Variants in TAFA2 observed in about 807,000 individuals in gnomAD.
TAFA2 encodes the protein TAFA chemokine like family member 2, also known as chemokine-like protein TAFA-2.
Under a neutral mutation model 18.8 loss-of-function variants are expected in TAFA2, and 7 were observed. The observed-to-expected ratio is 0.37, with a 90% CI of 0.21 to 0.70. TAFA2 has a LOEUF of 0.70. TAFA2 is among the 30% of genes least tolerant of loss of function. The pLI, the probability that TAFA2 is intolerant of heterozygous loss-of-function variation, is 0.53. For missense variants in TAFA2, 122 were observed against 158.1 expected (o/e 0.77, Z 1.23); for synonymous variants, 60 against 54.2 (o/e 1.11, Z -0.47).
chr12:61,968,168 C>A (rs1385063120), intron 1 of TAFA2, among the ~76,000 whole-genome samples: 1 of 151,778 alleles, frequency 6.6e-6, no homozygotes, highest in East Asian at 1.9e-4. Flanking sequence ...AACTTCATTT[C>A]TGCTGGTCTG....
intron 1 of TAFA2, among the ~76,000 whole-genome samples, chr12:61,971,896 C>T (rs1879262506): frequency 6.6e-6 from 1 of 151,604 alleles, no homozygotes; most frequent in African/African-American, 2.4e-5. Flanking sequence ...AATCAAAATG[C>T]ATTGATACTG....
intron 1 of TAFA2, among the ~76,000 whole-genome samples, chr12:62,157,311 A>C (rs1330091667): frequency 6.6e-6 from 1 of 152,184 alleles, no homozygotes; most frequent in African/African-American, 2.4e-5. Context: ...AGAAGAAACT[A>C]GGAAAATATT....
chr12:62,114,749 T>A (rs892366504), intron 1 of TAFA2, among the ~76,000 whole-genome samples: 2 of 152,192 alleles, frequency 1.3e-5, no homozygotes, highest in Non-Finnish European at 2.9e-5. Context: ...AGCCTTTGAA[T>A]CAGAGTATAC....
At chr12:61,877,312 G>A (rs10877754) in intron 1 of TAFA2, among the ~76,000 whole-genome samples, 8,914 of 152,068 alleles carry the variant, frequency 0.059, 867 homozygotes, top group African/African-American at 0.2. Flanking sequence ...GCCATCAGCC[G>A]CTTTGTTCCA....
chr12:61,839,062 G>T (rs2121117253), intron 2 of TAFA2, among the ~76,000 whole-genome samples: 1 of 152,150 alleles, frequency 6.6e-6, no homozygotes, highest in South Asian at 2.1e-4. Flanking sequence ...TATTTCCTCA[G>T]ACTTGCTTTC....
chr12:61,831,629 C>A (rs2121093135), intron 2 of TAFA2, among the ~76,000 whole-genome samples: 1 of 152,202 alleles, frequency 6.6e-6, no homozygotes, highest in South Asian at 2.1e-4. Context: ...TGGCTTTCCC[C>A]CAAATTGTGT....
At chr12:62,155,253 A>C (rs1241306785) in intron 1 of TAFA2, among the ~76,000 whole-genome samples, 2 of 152,166 alleles carry the variant, frequency 1.3e-5, no homozygotes, top group African/African-American at 4.8e-5. Flanking sequence ...GAGTCGAAAG[A>C]CCTCTACAAG....
At chr12:62,188,366 C>T (rs1429444841) in intron 1 of TAFA2, among the ~76,000 whole-genome samples, 1 of 152,150 alleles carries the variant, frequency 6.6e-6, no homozygotes. Context: ...GAAGTAAAAG[C>T]AGGGGCACTG....
intron 1 of TAFA2, among the ~76,000 whole-genome samples, chr12:62,160,277 T>C (rs1223093212): frequency 6.6e-6 from 1 of 152,226 alleles, no homozygotes; most frequent in Non-Finnish European, 1.5e-5. Context: ...ATCCAATGTG[T>C]CTATGAGTAT....
chr12:62,063,194 T>C (rs1346784203), intron 1 of TAFA2, among the ~76,000 whole-genome samples: 1 of 152,214 alleles, frequency 6.6e-6, no homozygotes, highest in Non-Finnish European at 1.5e-5. Context: ...CTTGACTCTA[T>C]GGTGGTCCTT....
At chr12:61,771,487 C>T (rs566267367) in intron 2 of TAFA2, among the ~76,000 whole-genome samples, 1 of 152,002 alleles carries the variant, frequency 6.6e-6, no homozygotes, top group South Asian at 2.1e-4. Flanking sequence ...GTCCACAAAA[C>T]AAGTCTCAAT....
intron 1 of TAFA2, among the ~76,000 whole-genome samples, chr12:62,056,495 T>C (rs564129194): frequency 6.6e-6 from 1 of 152,280 alleles, no homozygotes; most frequent in South Asian, 2.1e-4. Flanking sequence ...AGTGTATTGG[T>C]GGAAGAAATT....
At chr12:62,153,973 T>C (rs894748729) in intron 1 of TAFA2, among the ~76,000 whole-genome samples, 6 of 151,980 alleles carry the variant, frequency 3.9e-5, no homozygotes, top group African/African-American at 1.5e-4. Context: ...TATGTTATGT[T>C]ATGTTATGTT....
intron 2 of TAFA2, among the ~76,000 whole-genome samples, chr12:61,847,316 A>T (rs945526362): frequency 6.6e-6 from 1 of 152,210 alleles, no homozygotes; most frequent in Non-Finnish European, 1.5e-5. Context: ...CAGCATAATA[A>T]TCTATTCATT....
At chr12:61,983,273 T>C (rs1412850366) in intron 1 of TAFA2, among the ~76,000 whole-genome samples, 3 of 152,292 alleles carry the variant, frequency 2.0e-5, no homozygotes, top group African/African-American at 4.8e-5. Flanking sequence ...AAAACAGCAG[T>C]ACCATTTACA....
chr12:62,247,223 A>C (rs913353454), intron 1 of TAFA2, among the ~76,000 whole-genome samples: 2 of 152,190 alleles, frequency 1.3e-5, no homozygotes, highest in African/African-American at 2.4e-5. Flanking sequence ...TAAGATCTAA[A>C]GTTAACTGAT....
At chr12:61,991,982 T>C (rs1314903716) in intron 1 of TAFA2, among the ~76,000 whole-genome samples, 2 of 152,208 alleles carry the variant, frequency 1.3e-5, no homozygotes, top group Admixed American at 1.3e-4. Flanking sequence ...TCAGTCTTCT[T>C]TGCTGGCTCT....
chr12:62,128,786 CT>C (rs1321282912), intron 1 of TAFA2, among the ~76,000 whole-genome samples: 1 of 151,994 alleles, frequency 6.6e-6, no homozygotes, highest in Non-Finnish European at 1.5e-5. Context: ...TGATAAGCTC[CT>C]TAATCACCTC....
At chr12:61,716,321 A>T (rs1239368749) in intron 4 of TAFA2, among the ~76,000 whole-genome samples, 1 of 152,178 alleles carries the variant, frequency 6.6e-6, no homozygotes, top group Non-Finnish European at 1.5e-5. Context: ...TGCAGAAAGG[A>T]TACATATTTA....
Sources: gnomAD v4.1 joint callset for allele counts (sites outside exome capture counted in the v4.1 genomes callset) on GRCh38, gnomAD v4.1.1 for gene constraint, MANE v1.5 for transcripts, NCBI Gene and HGNC (gene_info 2026-07-23, HGNC 2026-07-21) for gene names.